The following IDI1 variants were observed in gnomAD, a reference collection of about 807,000 sequenced individuals.
IDI1 encodes the protein isopentenyl-diphosphate Delta-isomerase 1.
Under a neutral mutation model 32.9 loss-of-function variants are expected in IDI1, and 23 were observed. The ratio of observed to expected loss-of-function variants is 0.70; its 90% confidence interval spans 0.50 to 0.99. IDI1 has a LOEUF of 0.99. Among genes scored for constraint, IDI1 ranks in the 50% least tolerant of loss-of-function variants. The pLI is 0.00. For missense variants in IDI1, 326 were observed against 351.9 expected (o/e 0.93, Z 0.59); for synonymous variants, 133 against 128.2 (o/e 1.04, Z -0.25).
At chr10:1,055,579 A>T in the IDI1 span, among the ~76,000 whole-genome samples, 1 of 152,222 alleles carries the variant, frequency 6.6e-6, no homozygotes, top group African/African-American at 2.4e-5. Context: ...ATGTTACTTA[A>T]ATGTCACAAC....
downstream of IDI1, chr10:1,039,227 A>C (rs2131562895): frequency 6.6e-6 from 1 of 151,222 alleles, no homozygotes; most frequent in Middle Eastern, 3.4e-3. Flanking sequence ...GGCAGTTCCC[A>C]CAGGGATGCA....
upstream of IDI1, among the ~76,000 whole-genome samples, chr10:1,053,160 C>A (rs1388787506): frequency 6.6e-6 from 1 of 152,106 alleles, no homozygotes; most frequent in African/African-American, 2.4e-5. Context: ...TGCCACCACA[C>A]CCAGTTAATT....
intron 4 of IDI1, 57 bp from the exon 5 acceptor site, chr10:1,041,561 T>A (rs1832587399): frequency 2.0e-6 from 2 of 978,786 alleles, no homozygotes; most frequent in Middle Eastern, 4.3e-4. Flanking sequence ...ACAAAAAAAA[T>A]CTAAAATTAG....
upstream of IDI1, among the ~76,000 whole-genome samples, chr10:1,051,967 G>T (rs938976516): frequency 1.3e-5 from 2 of 152,128 alleles, no homozygotes; most frequent in Admixed American, 6.5e-5. Flanking sequence ...CCACCTCCTG[G>T]GTTCAAGCAA....
In IDI1 at chr10:1,044,069, A is replaced by G. The variant is rs148493465; in HGVS notation, c.243T>C (p.Ile81=). 1.9e-6 allele frequency: 3 copies of G among 1,613,474 alleles called. No individual in the cohort carries two copies. The highest frequency in any genetic ancestry group is 2.5e-6 in the Non-Finnish European group (3 of 1,179,646). ...VQLLAEMCIL[I]DENDNKIGAE... is the part of the protein sequence containing the mutation. ...CTCCAATTTTATTGTCATTTTCATC[A>G]ATAAGGATACACATCTCTGCCAGGA... The change falls in exon 2 of 5, where the codon ATT becomes ATC. Residue 81 remains isoleucine, a synonymous_variant. Transcript: ENST00000381344.
chr10:1,041,089 T>C lies in IDI1; in HGVS notation c.*98A>G. On this transcript the variant is annotated 3_prime_UTR_variant, in exon 5 of 5. Transcript: ENST00000381344. ...GATAGTACCAAATGATAGAACTAAA[T>C]TTAATGATAAATTAATGATAGAACT... The C allele has an allele frequency of 1.4e-6, 1 of 715,136 alleles. No individual in the cohort carries two copies. 44.3% of individuals were successfully genotyped at this position (715,136 alleles called of 1,614,324 possible). A position where few individuals can be genotyped will look rare whatever the true frequency, so the allele number is the denominator to read the frequency against.
At chr10:1,053,104 T>G (rs1057345654), upstream of IDI1, among the ~76,000 whole-genome samples, 4 of 152,142 alleles carry the variant, frequency 2.6e-5, no homozygotes, top group Non-Finnish European at 5.9e-5. Context: ...TGGGTTCAAG[T>G]GATCCTCCTG....
intron 2 of IDI1, chr10:1,043,641 A>C (rs1481349075): frequency 1.5e-6 from 1 of 654,156 alleles, no homozygotes; most frequent in South Asian, 1.5e-5. Flanking sequence ...TTCCCTATCA[A>C]GGACATTCAG....
At chr10:1,045,552 C>T (rs1223004195) in intron 1 of IDI1, among the ~76,000 whole-genome samples, 1 of 152,224 alleles carries the variant, frequency 6.6e-6, no homozygotes, top group Non-Finnish European at 1.5e-5. Context: ...CTACAACCCC[C>T]ACCTCCTGGG....
In IDI1 at chr10:1,043,973, C is replaced by T. The variant is rs571021113; in HGVS notation, c.313+26G>A. The T allele has an allele frequency of 2.3e-5, 37 of 1,597,918 alleles. 1 individual carries two copies. In the East Asian group the frequency reaches 6.3e-4, roughly 27 times the overall value. ...GGAAATGCCTACACAAATCGCTTTA[C>T]AAGAAAGACTGTTTCAAAGCAGCAC... is the stretch of plus-strand genomic sequence containing the variant. On this transcript the variant is annotated intron_variant, in intron 2 of 4. Coordinates refer to ENST00000381344, the MANE Select transcript of IDI1 (RefSeq NM_004508.4).
intron 3 of IDI1, 44 bp from the exon 4 acceptor site, chr10:1,042,806 T>G (rs7075188): frequency 0.21 from 326,530 of 1,574,888 alleles, 36,048 homozygotes; most frequent in Non-Finnish European, 0.23. Context: ...TTCTTCAAAG[T>G]AGGTCTGAAA....
chr10:1,054,338 G>A, the IDI1 span, among the ~76,000 whole-genome samples: 1 of 152,178 alleles, frequency 6.6e-6, no homozygotes, highest in Non-Finnish European at 1.5e-5. Flanking sequence ...AATTTAGGAA[G>A]CGACATGTCA....
intron 1 of IDI1, among the ~76,000 whole-genome samples, chr10:1,045,399 A>G (rs986203604): frequency 1.3e-5 from 2 of 152,112 alleles, no homozygotes; most frequent in African/African-American, 4.8e-5. Context: ...TTTCTACCCA[A>G]TATATTTTGA....
At chr10:1,048,300 G>T (rs574731978) in intron 1 of IDI1, 3 of 1,304,456 alleles carry the variant, frequency 2.3e-6, no homozygotes, top group South Asian at 2.5e-5. Flanking sequence ...TCCAACCCAA[G>T]AAAAAGGTCT....
upstream of IDI1, among the ~76,000 whole-genome samples, chr10:1,052,397 G>A (rs1369003793): frequency 6.6e-6 from 1 of 152,048 alleles, no homozygotes; most frequent in Non-Finnish European, 1.5e-5. Context: ...TACATCTTCG[G>A]GCAGCCATAG....
In IDI1 at chr10:1,048,946, G is replaced by A. The variant is rs760475822; in HGVS notation, c.58C>T (p.Gln20Ter). The A allele has an allele frequency of 7.0e-6, 11 of 1,577,090 alleles. No individual in the cohort carries two copies. Among genetic ancestry groups the A allele is most frequent in the Non-Finnish European group, 8.6e-6 (10 of 1,165,050 alleles). ...CAGTCTGCGGCGCGCACCGCCCACT[G>A]GCCCCGCCCCCGGGCCGCGCAGCCA... ...AIGCAARGRG[Q>*]WAVRAADCAQ... The change falls in exon 1 of 5, where the codon CAG becomes TAG. Residue 20 changes from glutamine to a stop codon, truncating the protein, a stop_gained. Transcript: ENST00000381344. LOFTEE classifies it high-confidence loss of function.
At chr10:1,055,592 C>T in the IDI1 span, among the ~76,000 whole-genome samples, 7 of 152,144 alleles carry the variant, frequency 4.6e-5, no homozygotes, top group Non-Finnish European at 8.8e-5. Context: ...GTCACAACCT[C>T]TAAAAGTTTA....
the IDI1 span, among the ~76,000 whole-genome samples, chr10:1,054,240 T>G: frequency 6.6e-6 from 1 of 152,222 alleles, no homozygotes; most frequent in East Asian, 1.9e-4. Context: ...AAGAAACATA[T>G]GATACCTGTG....
chr10:1,050,903 G>C (rs910771166), upstream of IDI1, among the ~76,000 whole-genome samples: 3 of 152,246 alleles, frequency 2.0e-5, no homozygotes, highest in Non-Finnish European at 4.4e-5. Context: ...AGCACCTGCT[G>C]TATGCAGTTT....
Sources: gnomAD v4.1 joint callset for allele counts (sites outside exome capture counted in the v4.1 genomes callset) on GRCh38, gnomAD v4.1.1 for gene constraint, MANE v1.5 for transcripts, NCBI Gene and HGNC (gene_info 2026-07-23, HGNC 2026-07-21) for gene names.